CPS1: variants seen among roughly 807,000 people sequenced by gnomAD.
CPS1 encodes carbamoyl-phosphate synthase [ammonia], mitochondrial.
In CPS1, 109 loss-of-function variants were observed where a neutral mutation model predicts 174.6. The ratio of observed to expected loss-of-function variants is 0.62; its 90% CI spans 0.53 to 0.73. CPS1 has a LOEUF of 0.73. Among genes scored for constraint, CPS1 ranks in the 30% least tolerant of loss-of-function variants. CPS1 has a pLI of 0.00. For synonymous variants in CPS1, 637 were observed against 632.0 expected (o/e 1.01, Z -0.12); for missense variants, 1,689 against 1,821.9 (o/e 0.93, Z 1.33).
At chr2:210,520,670 A>C (rs192977479) in intron 1 of CPS1, among the ~76,000 whole-genome samples, 6 of 152,146 alleles carry the variant, frequency 3.9e-5, no homozygotes, top group East Asian at 1.9e-4. Flanking sequence ...TTGAATTCTA[A>C]AATTTTATAC....
chr2:210,577,115 A>G (rs1026582491), intron 3 of CPS1: 13 of 372,276 alleles, frequency 3.5e-5, no homozygotes, highest in African/African-American at 2.1e-4. Flanking sequence ...TTTGTTCATC[A>G]TGTGCATTAA....
chr2:210,663,465 T>C (rs1287459321), intron 33 of CPS1, among the ~76,000 whole-genome samples: 1 of 152,230 alleles, frequency 6.6e-6, no homozygotes, highest in Non-Finnish European at 1.5e-5. Context: ...TATCTAGACA[T>C]CCAAGTAAAT....
Position 210,556,652 on chromosome 2 carries a change from T to C in CPS1, c.-82T>C. ...ACTGACTGCACCCCTCCCAGATTTC[T>C]TTTACATTAACTAAAAAGTCTTATC... On this transcript the variant is annotated 5_prime_UTR_variant, in exon 1 of 38. Coordinates refer to ENST00000233072, the MANE Select transcript of CPS1 (RefSeq NM_001875.5). 1 of 1,589,972 alleles carries C rather than the reference T, an allele frequency of 6.3e-7. No individual in the cohort carries two copies.
chr2:210,562,129 T>G (rs1697120977), intron 1 of CPS1, among the ~76,000 whole-genome samples: 1 of 152,240 alleles, frequency 6.6e-6, no homozygotes, highest in South Asian at 2.1e-4. Flanking sequence ...TACTTTGTAA[T>G]GAAATTTTTA....
Position 210,656,621 on chromosome 2 carries a change from G to T in CPS1, c.3655G>T (p.Ala1219Ser). 6.2e-7 allele frequency: 1 copy of T among 1,611,714 alleles called. No individual in the cohort carries two copies. Among genetic ancestry groups the T allele is most frequent in the Non-Finnish European group, 8.5e-7 (1 of 1,178,858 alleles). ...GCCCACACAAACCATCAGCCAAGGGGCCATTGAAAAGGTCATCATTTATAA... is the reference window on the plus strand; with the variant it reads ...GCCCACACAAACCATCAGCCAAGGGTCCATTGAAAAGGTCATCATTTATAA... Reference protein sequence around the residue: ...MLPTQTISQGAIEKVKDATRK... With the variant: ...MLPTQTISQGSIEKVKDATRK... Residue 1219 changes from alanine to serine, a missense_variant, in exon 30 of 38, where the codon GCC becomes TCC. By Grantham distance (99) the Ala-to-Ser change is moderately conservative (BLOSUM62 1). Transcript: ENST00000233072.
intron 1 of CPS1, among the ~76,000 whole-genome samples, chr2:210,487,134 T>C (rs1236819128): frequency 6.6e-6 from 1 of 152,224 alleles, no homozygotes; most frequent in Non-Finnish European, 1.5e-5. Context: ...TCAAGAATAT[T>C]CTTAACCTAC....
chr2:210,668,577 T>C (rs1448814637), intron 34 of CPS1, among the ~76,000 whole-genome samples: 3 of 152,100 alleles, frequency 2.0e-5, no homozygotes, highest in Non-Finnish European at 4.4e-5. Flanking sequence ...TATTCTTTGG[T>C]TTTGTCTTTT....
At chr2:210,538,986 G>C (rs1277099353) in intron 1 of CPS1, among the ~76,000 whole-genome samples, 1 of 152,098 alleles carries the variant, frequency 6.6e-6, no homozygotes, top group South Asian at 2.1e-4. Context: ...TGTAGTACTG[G>C]TTGGTACATA....
intron 1 of CPS1, among the ~76,000 whole-genome samples, chr2:210,486,470 C>G (rs1170814749): frequency 1.3e-5 from 2 of 152,112 alleles, no homozygotes; most frequent in African/African-American, 4.8e-5. Context: ...ATCTTATCAT[C>G]TTACGTTTTA....
At chr2:210,610,533 A>G (rs1699075624) in intron 19 of CPS1, among the ~76,000 whole-genome samples, 1 of 151,960 alleles carries the variant, frequency 6.6e-6, no homozygotes, top group South Asian at 2.1e-4. Context: ...AAAAGATAGT[A>G]CTTATATATA....
intron 22 of CPS1, 34 bp downstream of exon 22, chr2:210,637,877 T>G (rs1700087407): frequency 6.2e-7 from 1 of 1,611,386 alleles, no homozygotes; most frequent in Non-Finnish European, 8.5e-7. Flanking sequence ...CATCCCCCAC[T>G]GACAGGATTT....
chr2:210,535,312 C>T (rs1696216748), intron 1 of CPS1, among the ~76,000 whole-genome samples: 1 of 152,288 alleles, frequency 6.6e-6, no homozygotes, highest in African/African-American at 2.4e-5. Flanking sequence ...GCAGGTTAGG[C>T]ACCTACCCCT....
intron 4 of CPS1, 28 bp from the exon 5 acceptor site, chr2:210,579,686 C>T: frequency 6.3e-7 from 1 of 1,582,512 alleles, no homozygotes; most frequent in Non-Finnish European, 8.7e-7. Flanking sequence ...CCTCCAATTT[C>T]ACTGTCACTA....
intron 6 of CPS1, among the ~76,000 whole-genome samples, chr2:210,584,809 AG>A (rs1313894128): frequency 6.6e-6 from 1 of 152,058 alleles, no homozygotes; most frequent in East Asian, 1.9e-4. Flanking sequence ...AGCTTTAAAA[AG>A]CTCAATTTCT....
chr2:210,651,052 G>A (rs886123360), intron 28 of CPS1, among the ~76,000 whole-genome samples: 1 of 152,098 alleles, frequency 6.6e-6, no homozygotes, highest in African/African-American at 2.4e-5. Flanking sequence ...ACCTCAGCAT[G>A]ATCCATTTAA....
intron 28 of CPS1, among the ~76,000 whole-genome samples, chr2:210,652,033 TG>T (rs972074381): frequency 3.4e-4 from 52 of 152,294 alleles, no homozygotes; most frequent in African/African-American, 1.1e-3. Context: ...GTGAAAGTCT[TG>T]GGCTCCAGTC....
chr2:210,643,879 C>A (rs1005634894), intron 25 of CPS1, among the ~76,000 whole-genome samples: 6 of 151,942 alleles, frequency 3.9e-5, no homozygotes, highest in African/African-American at 4.8e-5. Context: ...ATAAGTGCAT[C>A]CCACAAATAT....
chr2:210,677,086 A>G lies in CPS1; in HGVS notation c.4354A>G (p.Ile1452Val). The G allele has an allele frequency of 6.2e-7, 1 of 1,613,766 alleles. No individual in the cohort carries two copies. Among genetic ancestry groups the G allele is most frequent in the South Asian group, 1.1e-5 (1 of 91,058 alleles). The change falls in exon 37 of 38, where the codon ATT becomes GTT. Residue 1452 changes from isoleucine (I) to valine (V), a missense_variant. Coordinates refer to ENST00000233072, the MANE Select transcript of CPS1 (RefSeq NM_001875.5). ...NTKFVHDNYV[I>V]RRTAVDSGIP... is the part of the protein sequence containing the mutation. ...TAAATTTGTCCATGATAATTATGTG[A>G]TTCGGAGGACAGCTGTTGATAGTGG...
intron 1 of CPS1, among the ~76,000 whole-genome samples, chr2:210,503,247 A>G (rs1695194492): frequency 1.3e-5 from 2 of 151,996 alleles, no homozygotes; most frequent in Non-Finnish European, 2.9e-5. Flanking sequence ...TGGGATTTTC[A>G]TTTTCCCTGT....
Sources: gnomAD v4.1 joint callset for allele counts (sites outside exome capture counted in the v4.1 genomes callset) on GRCh38, gnomAD v4.1.1 for gene constraint, MANE v1.5 for transcripts, NCBI Gene and HGNC (gene_info 2026-07-23, HGNC 2026-07-21) for gene names.